Variants in NEDD4L observed in about 807,000 individuals in gnomAD.
NEDD4L encodes NEDD4 like E3 ubiquitin protein ligase.
A neutral mutation model predicts 148.9 loss-of-function variants in NEDD4L; 54 were observed. The ratio of observed to expected loss-of-function variants is 0.36; its 90% CI spans 0.29 to 0.45. NEDD4L has a LOEUF of 0.45. NEDD4L is among the 20% of genes least tolerant of loss of function. The pLI is 1.00. For missense variants in NEDD4L, 856 were observed against 1,233.8 expected, an observed-to-expected ratio of 0.69 and a Z score of 4.59; for synonymous variants, 433 against 440.7, an observed-to-expected ratio of 0.98 and a Z score of 0.22.
At chr18:58,082,102 A>ATATATATT in intron 1 of NEDD4L, among the ~76,000 whole-genome samples, 19 of 48,820 alleles carry the variant, frequency 3.9e-4, no homozygotes, top group Middle Eastern at 0.023. Context: ...ATATATATAT[A>ATATATATT]TTTTTTTTTT....
chr18:58,091,655 T>C (rs2084079043), intron 1 of NEDD4L: 1 of 152,218 alleles, frequency 6.6e-6, no homozygotes. Context: ...CCCCATCTTA[T>C]AGATGAGGCA....
chr18:58,234,007 T>C (rs951771140), intron 2 of NEDD4L, among the ~76,000 whole-genome samples: 3 of 152,174 alleles, frequency 2.0e-5, no homozygotes, highest in African/African-American at 7.2e-5. Flanking sequence ...ACCAGTCATA[T>C]TGGATCAGGG....
At chr18:58,106,146 C>G (rs1015313062) in intron 1 of NEDD4L, among the ~76,000 whole-genome samples, 1 of 152,248 alleles carries the variant, frequency 6.6e-6, no homozygotes, top group African/African-American at 2.4e-5. Context: ...CAGCTAGGCA[C>G]AAGCCCTGTG....
At chr18:58,123,759 G>A (rs944116865) in intron 1 of NEDD4L, among the ~76,000 whole-genome samples, 3 of 151,950 alleles carry the variant, frequency 2.0e-5, no homozygotes, top group Non-Finnish European at 4.4e-5. Context: ...TTGTCTCATT[G>A]AGGAAAGAAG....
intron 24 of NEDD4L, among the ~76,000 whole-genome samples, chr18:58,377,738 G>T (rs1419367481): frequency 6.6e-6 from 1 of 151,390 alleles, no homozygotes; most frequent in Non-Finnish European, 1.5e-5. Context: ...TTTGGTTATG[G>T]GTTTGTTTGT....
chr18:58,319,438 T>C (rs1240556454), intron 6 of NEDD4L, among the ~76,000 whole-genome samples: 1 of 152,190 alleles, frequency 6.6e-6, no homozygotes. Context: ...CTCTATTCCA[T>C]AGTGAATGCA....
chr18:58,262,829 C>T (rs2049620751), intron 5 of NEDD4L, among the ~76,000 whole-genome samples: 1 of 152,044 alleles, frequency 6.6e-6, no homozygotes, highest in African/African-American at 2.4e-5. Context: ...GAAAGTTAGC[C>T]CCTGATGTCC....
rs138581053 is a variant in NEDD4L at position 58,145,190 on chromosome 18, G to C, written c.49-20598G>C. Among the ~76,000 whole-genome samples the C allele has an allele frequency of 3.3e-5, 5 of 152,318 alleles. No homozygotes were observed. The East Asian group carries it at 9.6e-4, about 29-fold the overall frequency. On this transcript the variant is annotated intron_variant, in intron 1 of 30. Transcript: ENST00000400345. ...CAGGGCCCCCTCTCATCAGGCCCCA[G>C]CTGGAAGCCAACTGGAAAGGGAGTC...
chr18:58,341,384 A>G (rs896359692), intron 14 of NEDD4L, among the ~76,000 whole-genome samples: 1 of 152,218 alleles, frequency 6.6e-6, no homozygotes, highest in Admixed American at 6.5e-5. Flanking sequence ...TAAAAATGTG[A>G]CGTGAAAGAT....
In NEDD4L at chr18:58,330,904, G is replaced by A. The variant is rs190926188; in HGVS notation, c.980G>A (p.Ser327Asn). 3.1e-6 allele frequency: 5 copies of A among 1,613,422 alleles called. No homozygotes were observed. The East Asian group carries it at 1.1e-4, about 36-fold the overall frequency. Residue 327 changes from serine to asparagine, a missense_variant, in exon 11 of 31, where the codon AGC (serine) becomes AAC (asparagine). Ser to Asn is a conservative substitution (Grantham distance 46). Coordinates refer to ENST00000400345, the MANE Select transcript of NEDD4L (RefSeq NM_001144967.3). ...ITPDSNGEQF[S>N]SLIQREPSSR... ...CCAGACTCCAATGGGGAACAGTTCA[G>A]CTCTTTGATTGTAAGTAGTGGCCTT...
chr18:58,288,406 G>A (rs2054230419), intron 5 of NEDD4L, among the ~76,000 whole-genome samples: 1 of 152,136 alleles, frequency 6.6e-6, no homozygotes, highest in Non-Finnish European at 1.5e-5. Flanking sequence ...AATAAGTTGT[G>A]GACATATAAG....
intron 1 of NEDD4L, among the ~76,000 whole-genome samples, chr18:58,154,712 A>G (rs1358367358): frequency 1.3e-5 from 2 of 152,174 alleles, no homozygotes; most frequent in Non-Finnish European, 2.9e-5. Flanking sequence ...GCTTGAACCC[A>G]GGGAGGCGGA....
intron 1 of NEDD4L, among the ~76,000 whole-genome samples, chr18:58,112,191 A>G (rs921417027): frequency 3.9e-5 from 6 of 152,130 alleles, no homozygotes; most frequent in African/African-American, 1.4e-4. Flanking sequence ...TACATTCTCA[A>G]TTTAAGATTT....
chr18:58,338,346 G>C (rs1323746356), intron 13 of NEDD4L, among the ~76,000 whole-genome samples: 1 of 152,208 alleles, frequency 6.6e-6, no homozygotes, highest in Admixed American at 6.5e-5. Flanking sequence ...GTCTGTAGAA[G>C]CTGAGTCCTG....
intron 24 of NEDD4L, among the ~76,000 whole-genome samples, chr18:58,382,335 G>C (rs533491138): frequency 2.6e-5 from 4 of 152,040 alleles, no homozygotes; most frequent in African/African-American, 9.7e-5. Flanking sequence ...TCCCTCCTGG[G>C]TACCACCCTA....
intron 1 of NEDD4L, among the ~76,000 whole-genome samples, chr18:58,123,391 C>T (rs748556616): frequency 1.7e-4 from 26 of 152,176 alleles, no homozygotes; most frequent in Admixed American, 2.0e-4. Context: ...TTGGAAATCC[C>T]GGGCTTTGCC....
intron 7 of NEDD4L, 48 bp downstream of exon 7, chr18:58,322,534 G>A (rs894213701): frequency 8.5e-7 from 1 of 1,181,466 alleles, no homozygotes; most frequent in African/African-American, 1.6e-5. Context: ...CCTGCATGCT[G>A]TAGGTATAGG....
At chr18:58,322,308 A>T (rs1292485891) in intron 6 of NEDD4L, 117 bp from the exon 7 acceptor site, 1 of 749,920 alleles carries the variant, frequency 1.3e-6, no homozygotes, top group Admixed American at 2.1e-5. Context: ...GAAGAAACAC[A>T]TTCAGCGGTG....
chr18:58,386,241 C>T (rs2049001471), intron 26 of NEDD4L, among the ~76,000 whole-genome samples: 3 of 152,038 alleles, frequency 2.0e-5, no homozygotes, highest in South Asian at 2.1e-4. Flanking sequence ...TTAGTAGAGA[C>T]GGGGTTTCAC....
Sources: allele counts gnomAD v4.1 joint callset (sites outside exome capture counted in the v4.1 genomes callset), GRCh38; gene constraint gnomAD v4.1.1; transcripts MANE v1.5; gene names NCBI Gene and HGNC (gene_info 2026-07-23, HGNC 2026-07-21).